Variants in PLCZ1 observed in about 807,000 individuals in gnomAD.
PLCZ1 encodes the protein phospholipase C zeta 1, also known as 1-phosphatidylinositol 4,5-bisphosphate phosphodiesterase zeta-1.
Under a neutral mutation model 76.8 loss-of-function variants are expected in PLCZ1, and 64 were observed. That is an observed-to-expected ratio of 0.83 (90% CI 0.68 to 1.03). The LOEUF is 1.03. Among genes scored for constraint, PLCZ1 ranks in the 50% least tolerant of loss-of-function variants. The pLI is 0.00. For synonymous variants in PLCZ1, 248 were observed against 230.8 expected (o/e 1.07, Z -0.68); for missense variants, 751 against 713.7 (o/e 1.05, Z -0.60).
At chr12:18,652,751 G>C in the PLCZ1 span, among the ~76,000 whole-genome samples, 1 of 152,008 alleles carries the variant, frequency 6.6e-6, no homozygotes, top group African/African-American at 2.4e-5. Flanking sequence ...CTTTTTACAT[G>C]TATATTTTAT....
intron 6 of PLCZ1, among the ~76,000 whole-genome samples, chr12:18,706,747 A>T (rs1298653548): frequency 2.6e-5 from 4 of 152,226 alleles, no homozygotes; most frequent in Non-Finnish European, 5.9e-5. Flanking sequence ...CAGCACTCAG[A>T]ACAGGGTCGA....
At chr12:18,687,507 C>A (rs1164948353) in intron 13 of PLCZ1, among the ~76,000 whole-genome samples, 1 of 152,076 alleles carries the variant, frequency 6.6e-6, no homozygotes, top group East Asian at 1.9e-4. Flanking sequence ...AATGGCAATG[C>A]CAGTACTATA....
downstream of PLCZ1, among the ~76,000 whole-genome samples, chr12:18,680,994 A>T (rs1454347527): frequency 6.6e-6 from 1 of 151,990 alleles, no homozygotes; most frequent in Non-Finnish European, 1.5e-5. Flanking sequence ...AGTGTGTAGC[A>T]TTGTTGCGTT....
the PLCZ1 span, among the ~76,000 whole-genome samples, chr12:18,674,516 C>T: frequency 1.3e-5 from 2 of 152,226 alleles, no homozygotes; most frequent in African/African-American, 2.4e-5. Context: ...CATGAATGTC[C>T]TCCTAAACTC....
chr12:18,660,718 T>C, the PLCZ1 span, among the ~76,000 whole-genome samples: 2 of 151,950 alleles, frequency 1.3e-5, no homozygotes, highest in African/African-American at 4.8e-5. Flanking sequence ...TCCAGAGACA[T>C]GATATTATTA....
chr12:18,697,118 T>C (rs1955174230), intron 10 of PLCZ1, among the ~76,000 whole-genome samples: 1 of 152,160 alleles, frequency 6.6e-6, no homozygotes, highest in Non-Finnish European at 1.5e-5. Flanking sequence ...TCTTTTTTCA[T>C]TAAACAGATC....
At chr12:18,695,680 G>C (rs995565475) in intron 11 of PLCZ1, among the ~76,000 whole-genome samples, 3 of 152,084 alleles carry the variant, frequency 2.0e-5, no homozygotes, top group Non-Finnish European at 2.9e-5. Flanking sequence ...GGTTAGTGCA[G>C]TGCTGTACTA....
chr12:18,719,905 T>A (rs896902237), intron 4 of PLCZ1, among the ~76,000 whole-genome samples: 1 of 152,014 alleles, frequency 6.6e-6, no homozygotes, highest in Admixed American at 6.6e-5. Context: ...GTACATATAT[T>A]ATGGACCAAT....
At chr12:18,713,117 A>G (rs908677881) in intron 5 of PLCZ1, 131 bp from the exon 6 acceptor site, 42 of 1,262,326 alleles carry the variant, frequency 3.3e-5, no homozygotes, top group Non-Finnish European at 4.1e-5. Flanking sequence ...CTCTATAAAA[A>G]CTTGTCTTTG....
At chr12:18,662,427 A>G in the PLCZ1 span, among the ~76,000 whole-genome samples, 1 of 151,852 alleles carries the variant, frequency 6.6e-6, no homozygotes, top group Non-Finnish European at 1.5e-5. Context: ...GAGGAAATTT[A>G]TGACCCTAGA....
At chr12:18,677,165 T>C in the PLCZ1 span, among the ~76,000 whole-genome samples, 1 of 152,198 alleles carries the variant, frequency 6.6e-6, no homozygotes, top group African/African-American at 2.4e-5. Context: ...GATACTGTCA[T>C]ATTCCAACAG....
chr12:18,726,216 T>C (rs1297611499), intron 3 of PLCZ1, among the ~76,000 whole-genome samples: 1 of 152,120 alleles, frequency 6.6e-6, no homozygotes, highest in Non-Finnish European at 1.5e-5. Flanking sequence ...TCCCAGAAGA[T>C]ATGCAAAATC....
At chr12:18,672,177 A>T in the PLCZ1 span, among the ~76,000 whole-genome samples, 11 of 152,170 alleles carry the variant, frequency 7.2e-5, no homozygotes, top group Non-Finnish European at 1.6e-4. Context: ...ATAGTTTCTG[A>T]CATTTCTCAG....
intron 6 of PLCZ1, among the ~76,000 whole-genome samples, chr12:18,708,732 G>A (rs191254037): frequency 5.9e-5 from 9 of 152,264 alleles, no homozygotes; most frequent in Admixed American, 5.2e-4. Context: ...GTATCTCATA[G>A]TGGTTTTGAT....
At chr12:18,685,676 T>G in intron 13 of PLCZ1, 1 of 515,280 alleles carries the variant, frequency 1.9e-6, no homozygotes, top group Non-Finnish European at 3.9e-6. Context: ...GAGAAATAAT[T>G]TCATGGGGTA....
At chr12:18,707,530 T>C (rs1956755022) in intron 6 of PLCZ1, among the ~76,000 whole-genome samples, 1 of 152,140 alleles carries the variant, frequency 6.6e-6, no homozygotes, top group African/African-American at 2.4e-5. Flanking sequence ...AAGCAATGTT[T>C]GCCCCCCATT....
the PLCZ1 span, among the ~76,000 whole-genome samples, chr12:18,669,960 G>T: frequency 6.6e-6 from 1 of 152,006 alleles, no homozygotes; most frequent in Admixed American, 6.6e-5. Context: ...GAGCCACCGC[G>T]CCCGGCCCTC....
intron 7 of PLCZ1, among the ~76,000 whole-genome samples, chr12:18,703,266 G>A (rs966670793): frequency 3.9e-5 from 6 of 152,062 alleles, no homozygotes; most frequent in African/African-American, 9.7e-5. Flanking sequence ...TTATCACACA[G>A]TTCATTTTTT....
intron 12 of PLCZ1, among the ~76,000 whole-genome samples, chr12:18,692,460 A>G (rs1316181285): frequency 6.6e-6 from 1 of 152,194 alleles, no homozygotes; most frequent in Non-Finnish European, 1.5e-5. Flanking sequence ...ACGTTTTGAA[A>G]AGTCTTTACT....
Sources: gnomAD v4.1 joint callset for allele counts (sites outside exome capture counted in the v4.1 genomes callset) on GRCh38, gnomAD v4.1.1 for gene constraint, MANE v1.5 for transcripts, NCBI Gene and HGNC (gene_info 2026-07-23, HGNC 2026-07-21) for gene names.